COL25A1: variants seen among roughly 807,000 people sequenced by gnomAD.
COL25A1 encodes collagen alpha-1(XXV) chain.
In COL25A1, 103 loss-of-function variants were observed where a neutral mutation model predicts 128.4. The ratio of observed to expected loss-of-function variants is 0.80; its 90% CI spans 0.68 to 0.94. COL25A1 has a LOEUF of 0.94. Ranked by LOEUF, COL25A1 falls within the 40% of genes least tolerant of loss-of-function variation. COL25A1 has a pLI of 0.00. For synonymous variants in COL25A1, 279 were observed against 277.2 expected, an observed-to-expected ratio of 1.01 and a Z score of -0.06; for missense variants, 745 against 840.0, an observed-to-expected ratio of 0.89 and a Z score of 1.40.
intron 8 of COL25A1, among the ~76,000 whole-genome samples, chr4:108,941,923 G>T (rs10021610): frequency 0.044 from 6,686 of 152,238 alleles, 380 homozygotes; most frequent in African/African-American, 0.13. Flanking sequence ...CAGAGCATTA[G>T]AATGCTTGTA....
intron 3 of COL25A1, among the ~76,000 whole-genome samples, chr4:109,070,763 A>C (rs1301780680): frequency 7.0e-6 from 1 of 142,224 alleles, no homozygotes; most frequent in African/African-American, 2.6e-5. Flanking sequence ...TCAATTCCCA[A>C]CTATGAGTGA....
chr4:109,076,244 G>C (rs1046184376), intron 3 of COL25A1, among the ~76,000 whole-genome samples: 1 of 152,128 alleles, frequency 6.6e-6, no homozygotes, highest in African/African-American at 2.4e-5. Context: ...TCAGAATTCT[G>C]AAGGGTCATA....
At chr4:109,233,523 G>C (rs1294865994) in intron 3 of COL25A1, among the ~76,000 whole-genome samples, 1 of 149,584 alleles carries the variant, frequency 6.7e-6, no homozygotes, top group African/African-American at 2.5e-5. Flanking sequence ...CCATTTGTTT[G>C]AGGAAGCTCA....
intron 3 of COL25A1, among the ~76,000 whole-genome samples, chr4:109,106,314 T>C (rs1046331427): frequency 2.0e-5 from 3 of 151,666 alleles, no homozygotes; most frequent in Admixed American, 1.3e-4. Context: ...CCTCCTAAAT[T>C]GTCAACTTTC....
At chr4:108,918,340 T>C in intron 12 of COL25A1, 124 bp from the exon 13 acceptor site, 1 of 574,638 alleles carries the variant, frequency 1.7e-6, no homozygotes, top group South Asian at 3.7e-5. Flanking sequence ...TTTTCAGACC[T>C]TATCCACTGT....
chr4:109,003,362 A>G (rs1029840009), intron 6 of COL25A1, among the ~76,000 whole-genome samples: 4 of 152,238 alleles, frequency 2.6e-5, no homozygotes, highest in African/African-American at 9.6e-5. Context: ...TGCCTTGCAC[A>G]TTGTACCTTA....
intron 3 of COL25A1, among the ~76,000 whole-genome samples, chr4:109,245,982 T>A (rs62324358): frequency 7.5e-6 from 1 of 134,026 alleles, no homozygotes; most frequent in African/African-American, 2.9e-5. Flanking sequence ...AGTTTTTCAG[T>A]AGAGGAACCT....
In COL25A1 at chr4:109,066,579, A is replaced by G. The variant is rs544296946; in HGVS notation, c.368-16400T>C. 7.2e-5 allele frequency among the ~76,000 whole-genome samples: 11 copies of G among 152,340 alleles called. No individual in the cohort carries two copies. The South Asian group carries it at 2.3e-3, about 32-fold the overall frequency. On this transcript the variant is annotated intron_variant, in intron 3 of 37. Transcript: ENST00000399132. ...CCAATCTAATTCATCTTTGAACTCT[A>G]GTGCCTAGGAGAATGGTAGATTATA...
intron 13 of COL25A1, among the ~76,000 whole-genome samples, chr4:108,904,895 G>A (rs1743279749): frequency 1.5e-5 from 2 of 131,870 alleles, no homozygotes; most frequent in South Asian, 5.8e-4. Flanking sequence ...AAGAAGGATG[G>A]CTTGCTGCTT....
At chr4:108,929,185 G>A (rs1250559265) in intron 11 of COL25A1, among the ~76,000 whole-genome samples, 1 of 152,052 alleles carries the variant, frequency 6.6e-6, no homozygotes, top group Non-Finnish European at 1.5e-5. Flanking sequence ...GTGCAATGGT[G>A]CGACTTTGGC....
chr4:109,133,227 A>G (rs1174925978), intron 3 of COL25A1, among the ~76,000 whole-genome samples: 1 of 152,104 alleles, frequency 6.6e-6, no homozygotes, highest in East Asian at 1.9e-4. Context: ...TTTTAGTTTA[A>G]GTATTGAAGA....
chr4:108,933,851 G>GACACACACACACAC (rs3065581), intron 11 of COL25A1, among the ~76,000 whole-genome samples: 1 of 148,662 alleles, frequency 6.7e-6, no homozygotes, highest in Non-Finnish European at 1.5e-5. Flanking sequence ...CAAGTTCACA[G>GACACACACACACAC]ACACACACAC....
At chr4:109,065,693 A>C (rs1434242009) in intron 3 of COL25A1, among the ~76,000 whole-genome samples, 2 of 152,074 alleles carry the variant, frequency 1.3e-5, no homozygotes, top group African/African-American at 4.8e-5. Flanking sequence ...AATTTAGAGG[A>C]AGTCTTGCAA....
At chr4:109,267,535 G>C (rs963841928) in intron 3 of COL25A1, among the ~76,000 whole-genome samples, 3 of 152,114 alleles carry the variant, frequency 2.0e-5, no homozygotes, top group Non-Finnish European at 2.9e-5. Context: ...TAAGTTTTTA[G>C]TGTTATAATC....
chr4:109,037,297 G>A (rs750084666), intron 5 of COL25A1, among the ~76,000 whole-genome samples: 121 of 152,072 alleles, frequency 8.0e-4, no homozygotes, highest in Non-Finnish European at 3.1e-4. Context: ...GTGGTGACTC[G>A]GCCACTTTGC....
At chr4:108,924,850 T>C (rs1745868240) in intron 11 of COL25A1, among the ~76,000 whole-genome samples, 1 of 152,178 alleles carries the variant, frequency 6.6e-6, no homozygotes, top group Admixed American at 6.5e-5. Flanking sequence ...TCTGTTCCTA[T>C]AAGGGGCTTT....
At chr4:109,070,229 CAG>C (rs1228475641) in intron 3 of COL25A1, among the ~76,000 whole-genome samples, 5 of 150,744 alleles carry the variant, frequency 3.3e-5, no homozygotes, top group Non-Finnish European at 7.4e-5. Context: ...GCCTGGGAGA[CAG>C]AGCGAGACTC....
chr4:109,069,924 G>T (rs1385677926), intron 3 of COL25A1, among the ~76,000 whole-genome samples: 1 of 150,482 alleles, frequency 6.6e-6, no homozygotes, highest in Admixed American at 6.6e-5. Context: ...ATAAAAGCAA[G>T]ATAACTATAT....
At chr4:109,267,311 T>C (rs1334552832) in intron 3 of COL25A1, among the ~76,000 whole-genome samples, 1 of 152,126 alleles carries the variant, frequency 6.6e-6, no homozygotes, top group Non-Finnish European at 1.5e-5. Flanking sequence ...TCAGGTTAAA[T>C]CCTGTATTTA....
Sources: gnomAD v4.1 joint callset for allele counts (sites outside exome capture counted in the v4.1 genomes callset) on GRCh38, gnomAD v4.1.1 for gene constraint, MANE v1.5 for transcripts, NCBI Gene and HGNC (gene_info 2026-07-23, HGNC 2026-07-21) for gene names.